ZFHX3: variants seen among roughly 807,000 people sequenced by gnomAD.
ZFHX3 encodes the protein zinc finger homeobox 3, also known as zinc finger homeobox protein 3.
ZFHX3 carries 42 observed loss-of-function variants against 279.1 expected under a neutral mutation model. That is an observed-to-expected ratio of 0.15 (90% confidence interval 0.12 to 0.19). The LOEUF is 0.19. Among genes scored for constraint, ZFHX3 ranks in the 10% least tolerant of loss-of-function variants. The pLI is 1.00. For synonymous variants in ZFHX3, 2,293 were observed against 1,957.8 expected (o/e 1.17, Z -4.52); for missense variants, 4,981 against 4,754.0 (o/e 1.05, Z -1.40).
At chr16:73,667,481 T>C (rs548769617) in intron 2 of ZFHX3, among the ~76,000 whole-genome samples, 12 of 152,368 alleles carry the variant, frequency 7.9e-5, no homozygotes, top group Admixed American at 6.5e-4. Flanking sequence ...TCAGTTTATT[T>C]TTAAGAACTA....
chr16:72,913,281 C>G (rs2039364114), intron 3 of ZFHX3, among the ~76,000 whole-genome samples: 1 of 152,212 alleles, frequency 6.6e-6, no homozygotes, highest in African/African-American at 2.4e-5. Flanking sequence ...TACTCAAGGC[C>G]TTTCTCTGGT....
chr16:73,586,056 G>T (rs1209448905), intron 2 of ZFHX3, among the ~76,000 whole-genome samples: 1 of 151,906 alleles, frequency 6.6e-6, no homozygotes, highest in African/African-American at 2.4e-5. Flanking sequence ...AAAATAGACA[G>T]GGACTACAAC....
intron 3 of ZFHX3, among the ~76,000 whole-genome samples, chr16:73,403,128 GAACTGAGT>G (rs2017291150): frequency 6.6e-6 from 1 of 152,140 alleles, no homozygotes; most frequent in Admixed American, 6.6e-5. Flanking sequence ...TGGCTGATTG[GAACTGAGT>G]AAGGAAGGGT....
rs188401735 is a variant in ZFHX3 at position 73,043,989 on chromosome 16, C to G, written c.-50+3763G>C. Among the ~76,000 whole-genome samples the G allele has an allele frequency of 4.6e-3, 702 of 152,260 alleles. 10 individuals are homozygous for G. The highest frequency in any genetic ancestry group is 0.027 in the Middle Eastern group (8 of 294). On this transcript the variant is annotated intron_variant, in intron 1 of 9. Transcript: ENST00000268489. ...CTCCCTCGGGGCGGTTTGACACAACCGTAGCTTCTGTGTGCTCCTTTCTCA... is the reference window on the plus strand; with the variant it reads ...CTCCCTCGGGGCGGTTTGACACAACGGTAGCTTCTGTGTGCTCCTTTCTCA...
chr16:73,162,559 A>G (rs1346128217), intron 5 of ZFHX3, among the ~76,000 whole-genome samples: 1 of 152,226 alleles, frequency 6.6e-6, no homozygotes, highest in Non-Finnish European at 1.5e-5. Flanking sequence ...GAATTATTTC[A>G]TTATGTATTC....
At chr16:73,385,400 C>T (rs942052086) in intron 3 of ZFHX3, among the ~76,000 whole-genome samples, 1 of 152,194 alleles carries the variant, frequency 6.6e-6, no homozygotes, top group Non-Finnish European at 1.5e-5. Context: ...CATGAATAAA[C>T]GGCTGCCTGT....
chr16:73,889,886 A>G lies in ZFHX3; in HGVS notation c.-1608+1765T>C, dbSNP rs941371861. On this transcript the variant is annotated intron_variant, in intron 1 of 17. Coordinates refer to the ZFHX3 transcript ENST00000641206. ...TTATTCTTGTGAATAAAATTATCCA[A>G]TTAGGAAATCCATTTAAAGTCCTTA... is the stretch of plus-strand genomic sequence containing the variant. Among the ~76,000 whole-genome samples, 6 of 152,304 alleles carry G rather than the reference A, an allele frequency of 3.9e-5. No homozygotes were observed. The East Asian group carries it at 5.8e-4, about 15-fold the overall frequency.
At chr16:72,902,605 T>C (rs1003076094) in intron 3 of ZFHX3, among the ~76,000 whole-genome samples, 1 of 152,348 alleles carries the variant, frequency 6.6e-6, no homozygotes, top group African/African-American at 2.4e-5. Context: ...GACTTTTCCC[T>C]CCTTTTCCTG....
intron 7 of ZFHX3, among the ~76,000 whole-genome samples, chr16:73,098,502 C>G (rs1473377755): frequency 1.3e-5 from 2 of 152,150 alleles, no homozygotes; most frequent in Non-Finnish European, 2.9e-5. Flanking sequence ...GCTGGGATGA[C>G]AGGCACATGC....
intron 3 of ZFHX3, among the ~76,000 whole-genome samples, chr16:73,340,307 T>C (rs1001316844): frequency 3.3e-5 from 5 of 152,206 alleles, no homozygotes; most frequent in African/African-American, 1.2e-4. Flanking sequence ...TATGAAAATT[T>C]AGGACATAAT....
intron 1 of ZFHX3, among the ~76,000 whole-genome samples, chr16:73,036,415 T>A (rs1229119964): frequency 6.6e-6 from 1 of 152,016 alleles, no homozygotes; most frequent in Non-Finnish European, 1.5e-5. Context: ...CTCTGCCGCT[T>A]TGTGGGGGGA....
At chr16:72,877,786 C>G (rs2038354314) in intron 4 of ZFHX3, among the ~76,000 whole-genome samples, 1 of 152,238 alleles carries the variant, frequency 6.6e-6, no homozygotes, top group African/African-American at 2.4e-5. Flanking sequence ...TCAGGCCCCT[C>G]CTCCTTGCAG....
intron 5 of ZFHX3, among the ~76,000 whole-genome samples, chr16:73,251,983 T>TAA (rs1567431137): frequency 2.3e-5 from 2 of 88,854 alleles, no homozygotes; most frequent in East Asian, 2.7e-4. Context: ...ACATAACACA[T>TAA]CACACACACA....
chr16:73,247,421 A>G (rs111164192), intron 5 of ZFHX3, among the ~76,000 whole-genome samples: 115 of 128,902 alleles, frequency 8.9e-4, no homozygotes, highest in Middle Eastern at 0.011. Flanking sequence ...ATGTGTCTGT[A>G]TGTCTATGTG....
chr16:73,093,772 A>G (rs1459025429), intron 7 of ZFHX3: 1 of 281,326 alleles, frequency 3.6e-6, no homozygotes, highest in Middle Eastern at 1.1e-3. Flanking sequence ...AACGCAACCT[A>G]AATTCCATTC....
intron 3 of ZFHX3, among the ~76,000 whole-genome samples, chr16:72,914,921 G>A (rs2039405288): frequency 6.6e-6 from 1 of 152,124 alleles, no homozygotes; most frequent in Admixed American, 6.5e-5. Context: ...AATCTGGGAG[G>A]CAGAGGTTGC....
intron 1 of ZFHX3, among the ~76,000 whole-genome samples, chr16:73,868,083 GTTC>G (rs2142397557): frequency 6.6e-6 from 1 of 152,242 alleles, no homozygotes; most frequent in Non-Finnish European, 1.5e-5. Flanking sequence ...GATGCTTTTT[GTTC>G]TTCTTTTCCT....
chr16:73,372,596 T>A (rs747914746), intron 3 of ZFHX3, among the ~76,000 whole-genome samples: 2 of 152,242 alleles, frequency 1.3e-5, no homozygotes, highest in Admixed American at 6.5e-5. Flanking sequence ...TTAATTAGAA[T>A]GACAACTTGC....
intron 2 of ZFHX3, among the ~76,000 whole-genome samples, chr16:73,548,619 T>TA (rs139195766): frequency 0.094 from 14,312 of 152,148 alleles, 716 homozygotes; most frequent in African/African-American, 0.11. Flanking sequence ...GTACATTTTT[T>TA]TAAAAATCAT....
Sources: allele counts gnomAD v4.1 joint callset (sites outside exome capture counted in the v4.1 genomes callset), GRCh38; gene constraint gnomAD v4.1.1; transcripts MANE v1.5; gene names NCBI Gene and HGNC (gene_info 2026-07-23, HGNC 2026-07-21).